The following SPATA1 variants were observed in gnomAD, a reference collection of about 807,000 sequenced individuals.
SPATA1 encodes the protein spermatogenesis associated 1.
SPATA1 carries 57 observed loss-of-function variants against 59.6 expected under a neutral mutation model. The observed-to-expected ratio is 0.96, with a 90% CI of 0.77 to 1.19. The LOEUF is 1.19. Among genes scored for constraint, SPATA1 ranks in the 50% most tolerant of loss-of-function variants. SPATA1 has a pLI of 0.00. For synonymous variants in SPATA1, 147 were observed against 163.9 expected, an observed-to-expected ratio of 0.90 and a Z score of 0.79; for missense variants, 448 against 480.7, an observed-to-expected ratio of 0.93 and a Z score of 0.64.
At chr1:84,509,208 T>TAAAAAAAAAAA (rs547069684) in intron 1 of SPATA1, among the ~76,000 whole-genome samples, 11 of 134,378 alleles carry the variant, frequency 8.2e-5, no homozygotes, top group Non-Finnish European at 1.5e-4. Context: ...GGTACTGGCA[T>TAAAAAAAAAAA]AAAAAAAAAA....
At chr1:84,566,183 ATT>A in exon 5 of SPATA1, 1 of 321,814 alleles carries the variant, frequency 3.1e-6, no homozygotes, top group Non-Finnish European at 5.5e-6. Context: ...TCTAAGAAAT[ATT>A]TTTTGCTTAC....
chr1:84,548,097 G>A (rs546413863), intron 10 of SPATA1, among the ~76,000 whole-genome samples: 1 of 152,244 alleles, frequency 6.6e-6, no homozygotes, highest in South Asian at 2.1e-4. Flanking sequence ...GGATAATAGA[G>A]CATGAGATAA....
chr1:84,531,868 T>C (rs1455172861), intron 6 of SPATA1, among the ~76,000 whole-genome samples: 2 of 152,152 alleles, frequency 1.3e-5, no homozygotes, highest in African/African-American at 4.8e-5. Context: ...CAACAACTCT[T>C]GTAAAATGAC....
In SPATA1 at chr1:84,552,744, ACATAAAATT is replaced by A. The variant is rs1684315235; in HGVS notation, c.1225-289_1225-281del. On this transcript the variant is annotated intron_variant, in intron 12 of 12. Coordinates refer to ENST00000490879, the Ensembl canonical transcript of SPATA1. ...CAACAGGTTTTGAAGTTTAAGCAAA[ACATAAAATT>A]CTTTCTCACTCTAGTTTTTAGAACA... is the stretch of plus-strand genomic sequence containing the variant. 15 of 214,878 alleles carry A rather than the reference ACATAAAATT, an allele frequency of 7.0e-5. 1 individual carries two copies. The South Asian group carries it at 2.0e-3, about 29-fold the overall frequency. 13.3% of individuals were successfully genotyped at this position (214,878 alleles called of 1,614,324 possible). A position where few individuals can be genotyped will look rare whatever the true frequency, so the allele number is the denominator to read the frequency against.
downstream of SPATA1, chr1:84,554,914 A>G: frequency 9.6e-7 from 1 of 1,039,170 alleles, no homozygotes; most frequent in Non-Finnish European, 1.4e-6. Flanking sequence ...TAACAAAAGT[A>G]TATAGCAACA....
At position 84,544,437 on chromosome 1, in the gene SPATA1, G is replaced by A. The variant is rs1205529394; in HGVS notation, c.820+133G>A. 2.2e-5 allele frequency: 15 copies of A among 668,100 alleles called. No individual in the cohort carries two copies. In the East Asian group the frequency reaches 3.8e-4, roughly 17 times the overall value. 41.4% of individuals were successfully genotyped at this position (668,100 alleles called of 1,614,324 possible). A position where few individuals can be genotyped will look rare whatever the true frequency, so the allele number is the denominator to read the frequency against. ...ATAAGTTCTGGAGATGGGTGGTGGT[G>A]ATGGTTTCACAACAGTGTGAATGTT... On this transcript the variant is annotated intron_variant, in intron 9 of 12. Coordinates refer to ENST00000490879, the Ensembl canonical transcript of SPATA1.
At chr1:84,520,916 C>G (rs1446011549) in intron 3 of SPATA1, among the ~76,000 whole-genome samples, 3 of 152,034 alleles carry the variant, frequency 2.0e-5, no homozygotes, top group Admixed American at 6.6e-5. Flanking sequence ...ACCCAGAAAA[C>G]AGTATATAAC....
chr1:84,515,854 GCTAA>G (rs1170779722), intron 1 of SPATA1, among the ~76,000 whole-genome samples: 1 of 152,190 alleles, frequency 6.6e-6, no homozygotes, highest in Non-Finnish European at 1.5e-5. Context: ...TAGCCAAGAG[GCTAA>G]CTAAAACTTT....
At chr1:84,548,155 T>C (rs566444753) in intron 10 of SPATA1, among the ~76,000 whole-genome samples, 6 of 152,304 alleles carry the variant, frequency 3.9e-5, no homozygotes, top group African/African-American at 1.2e-4. Flanking sequence ...ATAATTTTAA[T>C]TAAATCACCT....
rs1337627363 is a variant in SPATA1, at chr1:84,552,966, A to G, written c.1225-69A>G. On this transcript the variant is annotated intron_variant, in intron 12 of 12. Coordinates refer to ENST00000490879, the Ensembl canonical transcript of SPATA1. Reference sequence around the variant, plus strand: ...AAGCGGTTACAAAAACCCTGTTTACATGACAACTATGATGTACTTTTAGAA... The same window carrying G: ...AAGCGGTTACAAAAACCCTGTTTACGTGACAACTATGATGTACTTTTAGAA... 4.7e-6 allele frequency: 5 copies of G among 1,063,036 alleles called. No individual in the cohort carries two copies. In the East Asian group the frequency reaches 1.1e-4, roughly 24 times the overall value. The allele number at this position is 1,063,036 out of a possible 1,614,324, so 65.9% of individuals were successfully genotyped here. A position where few individuals can be genotyped will look rare whatever the true frequency, so the allele number is the denominator to read the frequency against.
chr1:84,512,121 T>C (rs529561981), intron 1 of SPATA1, among the ~76,000 whole-genome samples: 1 of 152,364 alleles, frequency 6.6e-6, no homozygotes, highest in East Asian at 1.9e-4. Context: ...CCTGATCAGA[T>C]AGACTTCACG....
intron 9 of SPATA1, among the ~76,000 whole-genome samples, chr1:84,545,054 CA>C (rs984721481): frequency 4.0e-5 from 6 of 149,614 alleles, no homozygotes; most frequent in Middle Eastern, 3.4e-3. Flanking sequence ...ACTAAAAATA[CA>C]AAAAAATACA....
In SPATA1 at chr1:84,533,346, A is replaced by T. The variant is rs954883269; in HGVS notation, c.660-363A>T. Among the ~76,000 whole-genome samples, 24 of 152,202 alleles carry T rather than the reference A, an allele frequency of 1.6e-4. 1 individual carries two copies. The highest frequency in any genetic ancestry group is 5.8e-4 in the African/African-American group (24 of 41,554). ...TTCACACTGGTATCATTTTATTCAA[A>T]ATTATAGTACTTAGACGAGTTTTAC... On this transcript the variant is annotated intron_variant, in intron 7 of 12. Coordinates refer to ENST00000490879, the Ensembl canonical transcript of SPATA1.
intron 10 of SPATA1, among the ~76,000 whole-genome samples, chr1:84,547,932 G>C (rs1303709678): frequency 6.6e-6 from 1 of 152,060 alleles, no homozygotes; most frequent in Admixed American, 6.6e-5. Context: ...CCCTGTACAG[G>C]GGCAAGAATG....
chr1:84,566,410 A>G (rs1223174455), downstream of SPATA1, among the ~76,000 whole-genome samples: 6 of 152,194 alleles, frequency 3.9e-5, no homozygotes, highest in African/African-American at 1.4e-4. Context: ...AAGTTTTTAA[A>G]ATATTGTGCA....
chr1:84,536,839 G>A (rs1239427967), intron 8 of SPATA1, among the ~76,000 whole-genome samples: 2 of 151,660 alleles, frequency 1.3e-5, no homozygotes, highest in Non-Finnish European at 2.9e-5. Context: ...TGTGTCACAT[G>A]GAATGAAGAT....
chr1:84,533,112 GA>G, intron 7 of SPATA1, 138 bp downstream of exon 7: 1 of 586,762 alleles, frequency 1.7e-6, no homozygotes, highest in Non-Finnish European at 2.9e-6. Flanking sequence ...AAATTACCTT[GA>G]TTCAGATCTT....
chr1:84,520,488 T>C (rs1682978762), intron 2 of SPATA1, 97 bp from the exon 3 acceptor site: 1 of 754,870 alleles, frequency 1.3e-6, no homozygotes, highest in Non-Finnish European at 2.0e-6. Context: ...ATGTTTTTTT[T>C]CTATTGTGTT....
chr1:84,551,427 T>A, intron 12 of SPATA1: 1 of 425,032 alleles, frequency 2.4e-6, no homozygotes, highest in Non-Finnish European at 3.1e-6. Flanking sequence ...ACAGAACTTA[T>A]GTGATGATAG....
Sources: allele counts gnomAD v4.1 joint callset (sites outside exome capture counted in the v4.1 genomes callset), GRCh38; gene constraint gnomAD v4.1.1; transcripts MANE v1.5; gene names NCBI Gene and HGNC (gene_info 2026-07-23, HGNC 2026-07-21).